CRTC3: variants seen among roughly 807,000 people sequenced by gnomAD.
CRTC3 encodes the protein CREB regulated transcription coactivator 3.
In CRTC3, 26 loss-of-function variants were observed where a neutral mutation model predicts 74.5. That is an observed-to-expected ratio of 0.35 (90% CI 0.26 to 0.48). CRTC3 has a LOEUF of 0.48. CRTC3 is among the 20% of genes least tolerant of loss of function. The pLI, the probability that CRTC3 is intolerant of heterozygous loss-of-function variation, is 0.99. For synonymous variants in CRTC3, 377 were observed against 325.8 expected, an observed-to-expected ratio of 1.16 and a Z score of -1.69; for missense variants, 760 against 787.3, an observed-to-expected ratio of 0.97 and a Z score of 0.41.
chr15:90,632,277 T>C (rs1156614037), intron 11 of CRTC3, among the ~76,000 whole-genome samples: 1 of 152,084 alleles, frequency 6.6e-6, no homozygotes, highest in Non-Finnish European at 1.5e-5. Flanking sequence ...GATGTGTTTT[T>C]AATTTGTTTA....
At chr15:90,578,129 CTG>C (rs140412954) in intron 2 of CRTC3, among the ~76,000 whole-genome samples, 4,416 of 152,210 alleles carry the variant, frequency 0.029, 189 homozygotes, top group African/African-American at 0.096. Context: ...GCTGGTCAAG[CTG>C]GTCTGGAACT....
intron 2 of CRTC3, among the ~76,000 whole-genome samples, chr15:90,545,869 C>CAT (rs1567161141): frequency 9.2e-5 from 14 of 152,158 alleles, no homozygotes; most frequent in African/African-American, 1.2e-4. Context: ...TGAGCCACTG[C>CAT]GCCTGGCCTT....
chr15:90,637,778 T>G (rs1969294448), intron 11 of CRTC3: 1 of 152,346 alleles, frequency 6.6e-6, no homozygotes, highest in African/African-American at 2.4e-5. Context: ...CTCCTGGTTT[T>G]AGCTTCACCG....
rs11426969 is a variant in CRTC3 at position 90,541,782 on chromosome 15, C to CTTTT, written c.231+1649_231+1652dup. 2.1e-3 allele frequency among the ~76,000 whole-genome samples: 252 copies of CTTTT among 120,026 alleles called. 24 individuals are homozygous for CTTTT. The highest frequency in any genetic ancestry group is 2.4e-3 in the Non-Finnish European group (142 of 59,310). 78.7% of individuals were successfully genotyped at this position (120,026 alleles called of 152,430 possible). A position where few individuals can be genotyped will look rare whatever the true frequency, so the allele number is the denominator to read the frequency against. ...GATAATCCTTGGCCTTCCCAGGATT[C>CTTTT]TTTTTTTCTTTTTTTTTTTTTGAGA... is the stretch of plus-strand genomic sequence containing the variant. On this transcript the variant is annotated intron_variant, in intron 2 of 14. Coordinates refer to ENST00000268184, the MANE Select transcript of CRTC3 (RefSeq NM_022769.5).
chr15:90,602,115 CA>C (rs1276412878), intron 3 of CRTC3, among the ~76,000 whole-genome samples: 1 of 152,066 alleles, frequency 6.6e-6, no homozygotes. Context: ...AAACACCCCA[CA>C]AAAAATCATG....
intron 9 of CRTC3, 131 bp from the exon 10 acceptor site, chr15:90,625,645 A>G (rs1245458872): frequency 6.5e-6 from 5 of 774,626 alleles, no homozygotes; most frequent in African/African-American, 5.2e-5. Flanking sequence ...TCAGAATCAG[A>G]GAGGCCGCAC....
intron 11 of CRTC3, among the ~76,000 whole-genome samples, chr15:90,637,060 A>G (rs1969264742): frequency 6.6e-6 from 1 of 152,240 alleles, no homozygotes; most frequent in Non-Finnish European, 1.5e-5. Flanking sequence ...CTGGGTATAT[A>G]CCCAAAGGAT....
chr15:90,530,703 G>GGGT lies in CRTC3; in HGVS notation c.132+503_132+505dup, dbSNP rs1966612961. 6.6e-6 allele frequency: 1 copy of GGGT among 152,316 alleles called. No individual in the cohort carries two copies. The highest frequency in any genetic ancestry group is 1.5e-5 in the Non-Finnish European group (1 of 68,154). The allele number at this position is 152,316 out of a possible 1,614,324, so 9.4% of individuals were successfully genotyped here. A position where few individuals can be genotyped will look rare whatever the true frequency, so the allele number is the denominator to read the frequency against. ...CAAGTCCATCCAGGGCCCGGCCCTG[G>GGGT]GGTGGCTCGGGTTGTTGGAACCACG... On this transcript the variant is annotated intron_variant, in intron 1 of 14. Transcript: ENST00000268184. This position sits in a 1 kb window ranked among gnomAD's most constrained non-coding sequence, Gnocchi z 6.2.
chr15:90,637,346 T>C (rs1046109033), intron 11 of CRTC3, among the ~76,000 whole-genome samples: 3 of 152,042 alleles, frequency 2.0e-5, no homozygotes, highest in East Asian at 1.9e-4. Context: ...TAGGTGGGAA[T>C]TGAACAATGA....
At chr15:90,635,220 GA>G (rs1012441610) in intron 11 of CRTC3, among the ~76,000 whole-genome samples, 27 of 148,510 alleles carry the variant, frequency 1.8e-4, no homozygotes, top group East Asian at 5.9e-4. Context: ...ATGTAAATGA[GA>G]AAAAAAAAAG....
chr15:90,571,096 T>C (rs1967252867), intron 2 of CRTC3, among the ~76,000 whole-genome samples: 1 of 152,214 alleles, frequency 6.6e-6, no homozygotes. Flanking sequence ...TTAACAAATA[T>C]TTATTGGACA....
chr15:90,627,359 T>C (rs1217956344), intron 10 of CRTC3, among the ~76,000 whole-genome samples: 5 of 152,206 alleles, frequency 3.3e-5, no homozygotes, highest in African/African-American at 9.6e-5. Context: ...GGAGAAACTC[T>C]CGAAACCTTT....
At chr15:90,552,955 A>G (rs1966864252) in intron 2 of CRTC3, among the ~76,000 whole-genome samples, 1 of 151,884 alleles carries the variant, frequency 6.6e-6, no homozygotes, top group Non-Finnish European at 1.5e-5. Context: ...AGCCAGCCCT[A>G]CTCTTGGTAC....
chr15:90,577,186 A>T (rs1028039866), intron 2 of CRTC3, among the ~76,000 whole-genome samples: 1 of 152,118 alleles, frequency 6.6e-6, no homozygotes, highest in Non-Finnish European at 1.5e-5. Context: ...CATTACCATT[A>T]TAAGTGCTGG....
At chr15:90,541,499 CTT>C (rs1966801229) in intron 2 of CRTC3, among the ~76,000 whole-genome samples, 1 of 152,164 alleles carries the variant, frequency 6.6e-6, no homozygotes, top group Admixed American at 6.5e-5. Context: ...ACAATGGACT[CTT>C]TACCATATTA....
chr15:90,536,853 G>A (rs1304875598), intron 1 of CRTC3, among the ~76,000 whole-genome samples: 1 of 151,216 alleles, frequency 6.6e-6, no homozygotes, highest in Non-Finnish European at 1.5e-5. Context: ...TAAGGGGGTG[G>A]CCTCTTCTCA....
rs1969562646 is a variant in CRTC3, at chr15:90,644,613, A to G, written c.*2473A>G. The G allele has an allele frequency of 8.6e-6, 2 of 232,146 alleles. No individual in the cohort carries two copies. Among genetic ancestry groups the G allele is most frequent in the African/African-American group, 4.4e-5 (2 of 45,348 alleles). 14.4% of individuals were successfully genotyped at this position (232,146 alleles called of 1,614,324 possible). ...GCAATATGGTTTAGCACTGAATTCAATTTGTCCTTAGGTCTATGAGTGAGT... is the reference window on the plus strand; with the variant it reads ...GCAATATGGTTTAGCACTGAATTCAGTTTGTCCTTAGGTCTATGAGTGAGT... On this transcript the variant is annotated 3_prime_UTR_variant, in exon 15 of 15. Coordinates refer to ENST00000268184, the MANE Select transcript of CRTC3 (RefSeq NM_022769.5).
rs1255505378 is a variant in CRTC3, at chr15:90,627,214, T to C, written c.967+1221T>C. Among the ~76,000 whole-genome samples the C allele has an allele frequency of 2.6e-5, 4 of 152,248 alleles. No homozygotes were observed. In the East Asian group the frequency reaches 7.7e-4, roughly 29 times the overall value. On this transcript the variant is annotated intron_variant, in intron 10 of 14. Coordinates refer to ENST00000268184, the MANE Select transcript of CRTC3 (RefSeq NM_022769.5). ...CACAATCTTAGGTTTGAAGAATTGA[T>C]TTCAGAGAACACCTTTATTTTTGTT...
intron 2 of CRTC3, among the ~76,000 whole-genome samples, chr15:90,547,947 G>C (rs1223589248): frequency 7.1e-6 from 1 of 139,890 alleles, no homozygotes; most frequent in East Asian, 2.2e-4. Context: ...GGAGCGCAAT[G>C]ATGTGATCTT....
Sources: gnomAD v4.1 joint callset for allele counts (sites outside exome capture counted in the v4.1 genomes callset) on GRCh38, gnomAD v4.1.1 for gene constraint, Gnocchi (gnomAD v3.1) non-coding constraint, MANE v1.5 for transcripts, NCBI Gene and HGNC (gene_info 2026-07-23, HGNC 2026-07-21) for gene names.